The following RSF1 variants were observed in gnomAD, a reference collection of about 807,000 sequenced individuals.
RSF1 encodes the protein remodeling and spacing factor 1.
RSF1 carries 13 observed loss-of-function variants against 145.2 expected under a neutral mutation model. That is an observed-to-expected ratio of 0.09 (90% CI 0.06 to 0.14). RSF1 has a LOEUF of 0.14. Among genes scored for constraint, RSF1 ranks in the 10% least tolerant of loss-of-function variants. The probability of loss-of-function intolerance (pLI) is 1.00; values close to 1 mark genes in which losing one functional copy is unlikely to be tolerated. For synonymous variants in RSF1, 577 were observed against 592.6 expected, an observed-to-expected ratio of 0.97 and a Z score of 0.38; for missense variants, 1,517 against 1,718.2, an observed-to-expected ratio of 0.88 and a Z score of 2.07.
At chr11:77,704,261 AT>A (rs1284859423) in intron 5 of RSF1, among the ~76,000 whole-genome samples, 1 of 152,178 alleles carries the variant, frequency 6.6e-6, no homozygotes, top group Non-Finnish European at 1.5e-5. Context: ...ATGCCACCAC[AT>A]TCCAGCCTGG....
At chr11:77,804,801 G>A (rs1948661248) in intron 1 of RSF1, among the ~76,000 whole-genome samples, 1 of 152,222 alleles carries the variant, frequency 6.6e-6, no homozygotes, top group Admixed American at 6.5e-5. Flanking sequence ...CTATACTCCA[G>A]CCGGGGTAAC....
chr11:77,767,350 TAG>T (rs1431113665), intron 1 of RSF1, among the ~76,000 whole-genome samples: 1 of 152,168 alleles, frequency 6.6e-6, no homozygotes, highest in Admixed American at 6.6e-5. Context: ...CAGCTATGGA[TAG>T]TCTCCTGCAA....
chr11:77,762,615 G>T (rs1432370668), intron 2 of RSF1: 1 of 152,090 alleles, frequency 6.6e-6, no homozygotes, highest in African/African-American at 2.4e-5. Context: ...GCTGTCTTAG[G>T]GAATTACTAA....
chr11:77,717,249 C>A (rs146569029), intron 5 of RSF1, among the ~76,000 whole-genome samples: 1 of 151,456 alleles, frequency 6.6e-6, no homozygotes, highest in African/African-American at 2.4e-5. Flanking sequence ...AAGGGTGTCA[C>A]CCTTGGGGCC....
chr11:77,820,756 G>A (rs992958985), upstream of RSF1: 2 of 1,522,340 alleles, frequency 1.3e-6, no homozygotes, highest in Non-Finnish European at 1.8e-6. Context: ...GGGGGGCGGG[G>A]GAAGTTGTGG....
intron 7 of RSF1, among the ~76,000 whole-genome samples, chr11:77,698,264 G>A (rs540412864): frequency 2.0e-5 from 3 of 152,300 alleles, no homozygotes; most frequent in South Asian, 4.1e-4. Context: ...TTATTATGTA[G>A]AGGAAATATC....
intron 1 of RSF1, among the ~76,000 whole-genome samples, chr11:77,812,884 CAA>C (rs71046910): frequency 0.37 from 40,391 of 110,368 alleles, 6,150 homozygotes; most frequent in East Asian, 0.47. Flanking sequence ...AGCTCCATCT[CAA>C]AAAAAAAAAA....
At chr11:77,739,766 A>G (rs1361567920) in intron 4 of RSF1, among the ~76,000 whole-genome samples, 1 of 152,232 alleles carries the variant, frequency 6.6e-6, no homozygotes, top group East Asian at 1.9e-4. Context: ...AATTTGTGGA[A>G]TATTTCTAAA....
At chr11:77,800,477 A>C (rs1445753992) in intron 1 of RSF1, among the ~76,000 whole-genome samples, 1 of 152,004 alleles carries the variant, frequency 6.6e-6, no homozygotes, top group Non-Finnish European at 1.5e-5. Flanking sequence ...GGGCAACAAA[A>C]CAAGAACCTG....
chr11:77,814,872 G>A (rs562121587), intron 1 of RSF1, among the ~76,000 whole-genome samples: 1 of 151,654 alleles, frequency 6.6e-6, no homozygotes, highest in African/African-American at 2.4e-5. Context: ...TTAGTGACTT[G>A]GAAACCCCCA....
At chr11:77,692,789 T>C (rs1290994864) in intron 8 of RSF1, among the ~76,000 whole-genome samples, 1 of 151,826 alleles carries the variant, frequency 6.6e-6, no homozygotes, top group Non-Finnish European at 1.5e-5. Context: ...TCGATTCTCC[T>C]GCCTCAGCCT....
At chr11:77,819,853 T>A (rs1026415361) in intron 1 of RSF1, among the ~76,000 whole-genome samples, 4 of 151,846 alleles carry the variant, frequency 2.6e-5, no homozygotes, top group African/African-American at 7.3e-5. Flanking sequence ...TTCGCCCCCC[T>A]ACCGAGAATG....
At chr11:77,740,184 T>C (rs1284520603) in intron 4 of RSF1, among the ~76,000 whole-genome samples, 2 of 152,198 alleles carry the variant, frequency 1.3e-5, no homozygotes, top group Non-Finnish European at 2.9e-5. Context: ...AAGACCAGCC[T>C]GACCAACACG....
chr11:77,820,522 G>A lies in RSF1; in HGVS notation c.187+6C>T, dbSNP rs1245658468. 2 of 1,547,512 alleles carry A rather than the reference G, an allele frequency of 1.3e-6. No homozygotes were observed. The highest frequency in any genetic ancestry group is 1.7e-6 in the Non-Finnish European group (2 of 1,146,508). The stretch of plus-strand genomic sequence containing the variant: ...TTCCCGCCGGGCGTTCGGGCCCCTC[G>A]CTTACCTTCTCCGTTGCCGACGTCC... On this transcript the variant is annotated splice_donor_region_variant and intron_variant, in intron 1 of 15. Coordinates refer to ENST00000308488, the MANE Select transcript of RSF1 (RefSeq NM_016578.4).
chr11:77,844,081 T>G, the RSF1 span, among the ~76,000 whole-genome samples: 1 of 152,194 alleles, frequency 6.6e-6, no homozygotes, highest in East Asian at 1.9e-4. Flanking sequence ...AAGATGAGAT[T>G]TGGGTGGGGA....
intron 1 of RSF1, among the ~76,000 whole-genome samples, chr11:77,783,492 A>G (rs147486413): frequency 0.011 from 1,657 of 152,176 alleles, 19 homozygotes; most frequent in Non-Finnish European, 0.016. Context: ...TTTTTGAAGG[A>G]TATTTTGCTA....
At chr11:77,728,637 GAAGGA>G (rs1370343565) in intron 4 of RSF1, among the ~76,000 whole-genome samples, 9 of 151,810 alleles carry the variant, frequency 5.9e-5, no homozygotes, top group East Asian at 1.9e-4. Context: ...GAAGGGAAGG[GAAGGA>G]AAGGAAAGGG....
rs1948310149 is a variant in RSF1, at chr11:77,773,574, A to G, written c.188-8885T>C. On this transcript the variant is annotated intron_variant, in intron 1 of 15. Transcript: ENST00000308488. ...CTTTATATTTAATGTCTCTTCCTAG[A>G]GAAAAATTAATTTAAAATTAAATTA... Among the ~76,000 whole-genome samples the G allele has an allele frequency of 2.6e-5, 4 of 152,286 alleles. No individual in the cohort carries two copies. In the South Asian group the frequency reaches 8.3e-4, roughly 32 times the overall value.
At chr11:77,759,757 T>C (rs1327168273) in intron 2 of RSF1, among the ~76,000 whole-genome samples, 2 of 152,008 alleles carry the variant, frequency 1.3e-5, no homozygotes, top group African/African-American at 4.8e-5. Context: ...CAAGCCTGTG[T>C]TCAATCCTTG....
Sources: gnomAD v4.1 joint callset for allele counts (sites outside exome capture counted in the v4.1 genomes callset) on GRCh38, gnomAD v4.1.1 for gene constraint, MANE v1.5 for transcripts, NCBI Gene and HGNC (gene_info 2026-07-23, HGNC 2026-07-21) for gene names.